The following CNOT10 variants were observed in gnomAD, a reference collection of about 807,000 sequenced individuals.
The protein encoded by CNOT10 is CCR4-NOT transcription complex subunit 10.
CNOT10 carries 30 observed loss-of-function variants against 94.6 expected under a neutral mutation model. The ratio of observed to expected loss-of-function variants is 0.32; its 90% CI spans 0.24 to 0.43. The LOEUF (loss-of-function observed/expected upper bound fraction) is 0.43, where lower values mean the gene tolerates loss of function less well. Among genes scored for constraint, CNOT10 ranks in the 20% least tolerant of loss-of-function variants. CNOT10 has a pLI of 1.00. For missense variants in CNOT10, 759 were observed against 877.2 expected, an observed-to-expected ratio of 0.87 and a Z score of 1.70; for synonymous variants, 289 against 301.6, an observed-to-expected ratio of 0.96 and a Z score of 0.43.
chr3:32,730,150 G>A (rs913083868), intron 10 of CNOT10, among the ~76,000 whole-genome samples: 5 of 152,062 alleles, frequency 3.3e-5, no homozygotes, highest in African/African-American at 1.2e-4. Context: ...TAAGTGTTGG[G>A]CGCCTTTCTT....
intron 13 of CNOT10, among the ~76,000 whole-genome samples, chr3:32,747,001 C>T (rs1455040674): frequency 1.3e-5 from 2 of 152,168 alleles, no homozygotes; most frequent in South Asian, 2.1e-4. Context: ...CCTGTAATCC[C>T]AGCTACACGG....
chr3:32,738,293 A>G (rs1198946105), intron 13 of CNOT10, among the ~76,000 whole-genome samples: 2 of 152,114 alleles, frequency 1.3e-5, no homozygotes, highest in African/African-American at 4.8e-5. Context: ...TTTACCATAT[A>G]ACAAACCTGC....
At chr3:32,723,611 T>C (rs1158835143) in intron 8 of CNOT10, among the ~76,000 whole-genome samples, 1 of 152,018 alleles carries the variant, frequency 6.6e-6, no homozygotes, top group Non-Finnish European at 1.5e-5. Context: ...TTTGATCACA[T>C]TAAAATGTTA....
chr3:32,746,514 A>C (rs1362611425), intron 13 of CNOT10, among the ~76,000 whole-genome samples: 1 of 152,126 alleles, frequency 6.6e-6, no homozygotes, highest in Non-Finnish European at 1.5e-5. Context: ...CACACAACCT[A>C]AATTCCTTGC....
chr3:32,691,145 G>A (rs1464064242), intron 1 of CNOT10, among the ~76,000 whole-genome samples: 1 of 135,876 alleles, frequency 7.4e-6, no homozygotes, highest in East Asian at 2.1e-4. Flanking sequence ...GCAGGCACAC[G>A]CTACCACAGC....
chr3:32,767,979 G>T (rs2125646088), intron 17 of CNOT10, among the ~76,000 whole-genome samples: 1 of 152,266 alleles, frequency 6.6e-6, no homozygotes, highest in South Asian at 2.1e-4. Flanking sequence ...TCTGAAGGGG[G>T]TTTTGTTTTG....
intron 13 of CNOT10, among the ~76,000 whole-genome samples, chr3:32,739,430 G>T (rs1559503142): frequency 6.6e-6 from 1 of 151,796 alleles, no homozygotes; most frequent in African/African-American, 2.4e-5. Context: ...TTTAGATAAA[G>T]GTCCTTTTCT....
At chr3:32,744,381 A>G (rs1433352984) in intron 13 of CNOT10, among the ~76,000 whole-genome samples, 2 of 152,318 alleles carry the variant, frequency 1.3e-5, no homozygotes, top group East Asian at 3.9e-4. Context: ...TTTCCAGCAT[A>G]ACTAATATGC....
chr3:32,718,039 T>G (rs1261735179), intron 7 of CNOT10, among the ~76,000 whole-genome samples: 1 of 152,068 alleles, frequency 6.6e-6, no homozygotes, highest in Non-Finnish European at 1.5e-5. Context: ...ATTTTTAAGA[T>G]GGTGTAGGAA....
At chr3:32,759,651 T>C in intron 14 of CNOT10, 80 bp downstream of exon 14, 2 of 938,746 alleles carry the variant, frequency 2.1e-6, no homozygotes, top group Non-Finnish European at 3.4e-6. Context: ...TGTTGCTTCT[T>C]TTGACTCCTC....
intron 17 of CNOT10, chr3:32,769,516 C>T: frequency 1.0e-5 from 2 of 190,478 alleles, no homozygotes; most frequent in East Asian, 1.2e-4. Flanking sequence ...ATTATTATTC[C>T]TGACATTGAC....
chr3:32,711,123 A>C (rs1251228791), intron 4 of CNOT10, among the ~76,000 whole-genome samples: 2 of 152,178 alleles, frequency 1.3e-5, no homozygotes, highest in Non-Finnish European at 2.9e-5. Context: ...TGAAATACAG[A>C]AACTCTTTAC....
intron 13 of CNOT10, among the ~76,000 whole-genome samples, chr3:32,746,223 C>T (rs1339438874): frequency 6.6e-6 from 1 of 152,134 alleles, no homozygotes; most frequent in Non-Finnish European, 1.5e-5. Context: ...AAGCAGCAGA[C>T]CCCAGCCTTT....
chr3:32,752,463 A>T (rs987795966), intron 13 of CNOT10, among the ~76,000 whole-genome samples: 14 of 152,118 alleles, frequency 9.2e-5, no homozygotes, highest in African/African-American at 3.4e-4. Flanking sequence ...AGTCTCTGTG[A>T]CTTTATATTT....
chr3:32,759,152 T>C (rs1700335722), intron 13 of CNOT10, among the ~76,000 whole-genome samples: 2 of 151,820 alleles, frequency 1.3e-5, no homozygotes, highest in African/African-American at 4.8e-5. Context: ...TGTGTGTGTG[T>C]GTATTTATCT....
At chr3:32,689,378 A>G (rs1696760081) in intron 1 of CNOT10, among the ~76,000 whole-genome samples, 1 of 151,588 alleles carries the variant, frequency 6.6e-6, no homozygotes. Context: ...AGAAAAAGAA[A>G]AAAAAGAATA....
rs534505984 is a variant in CNOT10, at chr3:32,762,986, C to T, written c.1840+123C>T. On this transcript the variant is annotated intron_variant, in intron 15 of 18. Coordinates refer to ENST00000328834, the MANE Select transcript of CNOT10 (RefSeq NM_015442.3). ...AAGAAAGTTTTAGGTTGGCTTTCCA[C>T]ATTTTTGTCTGTACTTACTTTGTAG... 6.4e-5 allele frequency: 65 copies of T among 1,016,426 alleles called. 1 individual carries two copies. The South Asian group carries it at 1.0e-3, about 16-fold the overall frequency. The allele number at this position is 1,016,426 out of a possible 1,614,324, so 63.0% of individuals were successfully genotyped here.
At chr3:32,740,791 G>A (rs926535096) in intron 13 of CNOT10, among the ~76,000 whole-genome samples, 1 of 151,488 alleles carries the variant, frequency 6.6e-6, no homozygotes, top group African/African-American at 2.4e-5. Context: ...GAACCTGGGA[G>A]ACGGAGCTTG....
intron 1 of CNOT10, among the ~76,000 whole-genome samples, chr3:32,685,978 A>G (rs1335643927): frequency 6.6e-6 from 1 of 151,984 alleles, no homozygotes; most frequent in Non-Finnish European, 1.5e-5. Context: ...GGGTCTCGCT[A>G]TGGTGCCCAG....
Sources: gnomAD v4.1 joint callset for allele counts (sites outside exome capture counted in the v4.1 genomes callset) on GRCh38, gnomAD v4.1.1 for gene constraint, MANE v1.5 for transcripts, NCBI Gene and HGNC (gene_info 2026-07-23, HGNC 2026-07-21) for gene names.